DSCAM: variants seen among roughly 807,000 people sequenced by gnomAD.
DSCAM encodes DS cell adhesion molecule, also known as cell adhesion molecule DSCAM.
DSCAM carries 47 observed loss-of-function variants against 217.7 expected under a neutral mutation model. That is an observed-to-expected ratio of 0.22 (90% confidence interval 0.17 to 0.28). DSCAM has a LOEUF of 0.28. DSCAM is among the 10% of genes least tolerant of loss of function. DSCAM has a pLI of 1.00. For missense variants in DSCAM, 2,080 were observed against 2,618.3 expected, an observed-to-expected ratio of 0.79 and a Z score of 4.49; for synonymous variants, 1,056 against 1,015.3, an observed-to-expected ratio of 1.04 and a Z score of -0.76.
At chr21:40,223,882 C>T (rs865872105) in intron 11 of DSCAM, among the ~76,000 whole-genome samples, 1 of 152,168 alleles carries the variant, frequency 6.6e-6, no homozygotes, top group African/African-American at 2.4e-5. Flanking sequence ...CAGATAGGCC[C>T]ATGTGATGGT....
intron 11 of DSCAM, 56 bp downstream of exon 11, chr21:40,276,040 GC>G (rs1482304995): frequency 6.2e-6 from 9 of 1,448,278 alleles, no homozygotes; most frequent in Middle Eastern, 1.9e-4. Flanking sequence ...GAAAAAGGAA[GC>G]CCCCAGAGAC....
intron 3 of DSCAM, among the ~76,000 whole-genome samples, chr21:40,508,765 ATATATATATATATATATATTTTT>A (rs1247621749): frequency 1.1e-3 from 4 of 3,506 alleles, no homozygotes; most frequent in African/African-American, 8.1e-3. Flanking sequence ...ATATATATAT[ATATATATATATATATATATTTTT>A]TTTTTTTTTT....
At chr21:40,751,178 A>G (rs1273035636) in intron 1 of DSCAM, among the ~76,000 whole-genome samples, 3 of 152,036 alleles carry the variant, frequency 2.0e-5, no homozygotes, top group African/African-American at 7.2e-5. Flanking sequence ...CCAGGACTCT[A>G]TCACTTCGTT....
intron 1 of DSCAM, among the ~76,000 whole-genome samples, chr21:40,805,855 C>A (rs1277144709): frequency 2.0e-5 from 3 of 151,994 alleles, no homozygotes; most frequent in Non-Finnish European, 1.5e-5. Flanking sequence ...ACTAGAGGCA[C>A]CTGCCACCAC....
At chr21:40,687,044 A>G (rs1047578866) in intron 3 of DSCAM, among the ~76,000 whole-genome samples, 1 of 152,188 alleles carries the variant, frequency 6.6e-6, no homozygotes, top group Non-Finnish European at 1.5e-5. Context: ...TCTGATGTGC[A>G]CGTTCTGAGC....
intron 3 of DSCAM, among the ~76,000 whole-genome samples, chr21:40,551,650 T>C (rs2076630924): frequency 6.6e-6 from 1 of 152,174 alleles, no homozygotes; most frequent in Admixed American, 6.5e-5. Context: ...ATTTCCAAAA[T>C]ATGGCAAGGA....
At chr21:40,437,170 C>G (rs573676752) in intron 3 of DSCAM, among the ~76,000 whole-genome samples, 3 of 152,232 alleles carry the variant, frequency 2.0e-5, no homozygotes, top group South Asian at 4.2e-4. Context: ...TGATGGATGA[C>G]CTACAGGCGG....
chr21:40,154,028 A>T (rs2090450692), intron 16 of DSCAM, among the ~76,000 whole-genome samples: 1 of 152,154 alleles, frequency 6.6e-6, no homozygotes, highest in Non-Finnish European at 1.5e-5. Flanking sequence ...TCTGCTTTAC[A>T]ATAGGTATAG....
intron 19 of DSCAM, among the ~76,000 whole-genome samples, chr21:40,129,777 T>A (rs1460042977): frequency 6.6e-6 from 1 of 152,200 alleles, no homozygotes; most frequent in Non-Finnish European, 1.5e-5. Context: ...GCATGCAATC[T>A]ACCCCCTTTC....
chr21:40,707,547 G>T (rs577376721), intron 2 of DSCAM, among the ~76,000 whole-genome samples: 1 of 152,210 alleles, frequency 6.6e-6, no homozygotes, highest in South Asian at 2.1e-4. Flanking sequence ...TTCTCATGTT[G>T]TGATGTCTTC....
At chr21:40,517,254 T>C (rs913729184) in intron 3 of DSCAM, among the ~76,000 whole-genome samples, 1 of 149,532 alleles carries the variant, frequency 6.7e-6, no homozygotes, top group Non-Finnish European at 1.5e-5. Context: ...TGTGTGTATA[T>C]ATATACCTTA....
intron 3 of DSCAM, among the ~76,000 whole-genome samples, chr21:40,591,269 T>A (rs897771218): frequency 6.6e-6 from 1 of 152,182 alleles, no homozygotes; most frequent in Non-Finnish European, 1.5e-5. Flanking sequence ...CCTTTATTAA[T>A]TACCCAGTCT....
chr21:40,115,916 A>G (rs953602299), intron 20 of DSCAM, among the ~76,000 whole-genome samples: 2 of 152,248 alleles, frequency 1.3e-5, no homozygotes, highest in Admixed American at 6.5e-5. Flanking sequence ...ATGCCCATCA[A>G]TGATAGACTA....
chr21:40,562,038 T>A (rs777154050), intron 3 of DSCAM, among the ~76,000 whole-genome samples: 5 of 152,238 alleles, frequency 3.3e-5, no homozygotes, highest in African/African-American at 4.8e-5. Flanking sequence ...CATCGTGGTC[T>A]CTCCTTATAA....
intron 3 of DSCAM, among the ~76,000 whole-genome samples, chr21:40,596,699 C>A (rs540085794): frequency 2.0e-5 from 3 of 152,006 alleles, no homozygotes; most frequent in Admixed American, 6.5e-5. Flanking sequence ...CTGGGTGATA[C>A]GAAATGTGCA....
intron 32 of DSCAM, among the ~76,000 whole-genome samples, chr21:40,019,178 C>T (rs1425257920): frequency 6.6e-6 from 1 of 152,198 alleles, no homozygotes; most frequent in Non-Finnish European, 1.5e-5. Flanking sequence ...GCTTAAGATG[C>T]CTACACATAG....
At chr21:40,819,692 A>G (rs2091910615) in intron 1 of DSCAM, among the ~76,000 whole-genome samples, 1 of 152,214 alleles carries the variant, frequency 6.6e-6, no homozygotes, top group Non-Finnish European at 1.5e-5. Flanking sequence ...AATTTCTTCC[A>G]ACATTCTTCT....
At chr21:40,368,150 A>G (rs1256350321) in intron 4 of DSCAM, among the ~76,000 whole-genome samples, 1 of 152,140 alleles carries the variant, frequency 6.6e-6, no homozygotes, top group Non-Finnish European at 1.5e-5. Context: ...AATTAATTTT[A>G]TATCAGGATC....
intron 3 of DSCAM, among the ~76,000 whole-genome samples, chr21:40,649,606 G>A (rs570252243): frequency 6.6e-6 from 1 of 152,000 alleles, no homozygotes; most frequent in Non-Finnish European, 1.5e-5. Flanking sequence ...AATGAGAACA[G>A]TGACACACAA....
Sources: allele counts gnomAD v4.1 joint callset (sites outside exome capture counted in the v4.1 genomes callset), GRCh38; gene constraint gnomAD v4.1.1; transcripts MANE v1.5; gene names NCBI Gene and HGNC (gene_info 2026-07-23, HGNC 2026-07-21).